PDE8B: variants seen among roughly 807,000 people sequenced by gnomAD.
PDE8B encodes high affinity cAMP-specific and IBMX-insensitive 3',5'-cyclic phosphodiesterase 8B.
In PDE8B, 26 loss-of-function variants were observed where a neutral mutation model predicts 101.3. That is an observed-to-expected ratio of 0.26 (90% CI 0.19 to 0.36). The LOEUF (loss-of-function observed/expected upper bound fraction) is 0.36. Ranked by LOEUF, PDE8B falls within the 10% of genes least tolerant of loss-of-function variation. The pLI, the probability that PDE8B is intolerant of heterozygous loss-of-function variation, is 1.00. For missense variants in PDE8B, 810 were observed against 1,163.1 expected, an observed-to-expected ratio of 0.70 and a Z score of 4.42; for synonymous variants, 424 against 429.3, an observed-to-expected ratio of 0.99 and a Z score of 0.15.
the PDE8B span, chr5:77,118,582 C>A: frequency 2.5e-6 from 1 of 392,348 alleles, no homozygotes; most frequent in Non-Finnish European, 4.5e-6. Context: ...GATCAGTGCC[C>A]TTTATGTTTG....
the PDE8B span, among the ~76,000 whole-genome samples, chr5:77,191,446 G>C: frequency 6.6e-6 from 1 of 151,712 alleles, no homozygotes; most frequent in African/African-American, 2.4e-5. Flanking sequence ...TCCGCCTCCC[G>C]GGTTCATGCC....
At chr5:77,336,581 A>G (rs754714301) in intron 5 of PDE8B, among the ~76,000 whole-genome samples, 38 of 152,296 alleles carry the variant, frequency 2.5e-4, no homozygotes, top group Non-Finnish European at 4.6e-4. Flanking sequence ...ATGGTCAAGT[A>G]ATAATCCATT....
intron 10 of PDE8B, among the ~76,000 whole-genome samples, chr5:77,385,137 G>A (rs1788283033): frequency 6.6e-6 from 1 of 152,096 alleles, no homozygotes; most frequent in Non-Finnish European, 1.5e-5. Context: ...AGTAATTACT[G>A]CCTCAATTTC....
At chr5:77,377,255 T>G (rs1786312330) in intron 10 of PDE8B, among the ~76,000 whole-genome samples, 1 of 152,124 alleles carries the variant, frequency 6.6e-6, no homozygotes, top group South Asian at 2.1e-4. Context: ...ACAAACAGAA[T>G]ACACCTATGA....
chr5:77,215,787 C>G (rs1404517678), intron 1 of PDE8B, among the ~76,000 whole-genome samples: 1 of 152,120 alleles, frequency 6.6e-6, no homozygotes, highest in Non-Finnish European at 1.5e-5. Context: ...CCCGTGGAAC[C>G]AGGTGGGAAG....
chr5:77,100,544 T>C, the PDE8B span, among the ~76,000 whole-genome samples: 40 of 152,172 alleles, frequency 2.6e-4, no homozygotes, highest in Non-Finnish European at 5.3e-4. Context: ...ATGAGGCTTA[T>C]ACTTGGAAAA....
At chr5:77,295,209 A>G (rs886643496) in intron 1 of PDE8B, among the ~76,000 whole-genome samples, 1 of 152,216 alleles carries the variant, frequency 6.6e-6, no homozygotes, top group African/African-American at 2.4e-5. Context: ...CAATTATTCT[A>G]CATTCAGCCA....
intron 1 of PDE8B, among the ~76,000 whole-genome samples, chr5:77,300,204 C>T (rs1769598059): frequency 6.6e-6 from 1 of 152,210 alleles, no homozygotes; most frequent in Non-Finnish European, 1.5e-5. Context: ...GCCCCTTGTT[C>T]TCATTCCTCT....
intron 1 of PDE8B, among the ~76,000 whole-genome samples, chr5:77,286,523 C>G (rs1766047358): frequency 6.6e-6 from 1 of 152,192 alleles, no homozygotes; most frequent in Admixed American, 6.5e-5. Flanking sequence ...GATTCCTTCT[C>G]CAGATCTTTC....
At chr5:77,163,556 T>C in the PDE8B span, among the ~76,000 whole-genome samples, 2 of 152,190 alleles carry the variant, frequency 1.3e-5, no homozygotes, top group African/African-American at 4.8e-5. Context: ...AACAGTTTGG[T>C]ACAAATTTTT....
chr5:77,128,846 T>C, the PDE8B span, among the ~76,000 whole-genome samples: 52 of 152,298 alleles, frequency 3.4e-4, no homozygotes, highest in Middle Eastern at 3.4e-3. Flanking sequence ...TGGCTACCCT[T>C]TTGTCTGTGT....
rs1204163475 is a variant in PDE8B at position 77,427,443 on chromosome 5, T to G, written c.*889T>G. 6.6e-6 allele frequency: 1 copy of G among 152,474 alleles called. No individual in the cohort carries two copies. The highest frequency in any genetic ancestry group is 1.5e-5 in the Non-Finnish European group (1 of 68,040). 9.4% of individuals were successfully genotyped at this position (152,474 alleles called of 1,614,324 possible). A position where few individuals can be genotyped will look rare whatever the true frequency, so the allele number is the denominator to read the frequency against. On this transcript the variant is annotated 3_prime_UTR_variant, in exon 22 of 22. Transcript: ENST00000264917. ...AGTTTATATACATGTTTAAAATTTT[T>G]ATTAAAATCCAAATTTTCTGGGTGT... is the stretch of plus-strand genomic sequence containing the variant.
chr5:77,127,313 G>A, the PDE8B span, among the ~76,000 whole-genome samples: 1 of 152,060 alleles, frequency 6.6e-6, no homozygotes, highest in East Asian at 1.9e-4. Flanking sequence ...GATAATGAGT[G>A]GGTTCTCACG....
chr5:77,426,849 C>G lies in PDE8B; in HGVS notation c.*295C>G, dbSNP rs1798227455. 3 of 379,294 alleles carry G rather than the reference C, an allele frequency of 7.9e-6. No individual in the cohort carries two copies. The highest frequency in any genetic ancestry group is 2.1e-5 in the African/African-American group (1 of 48,000). 23.5% of individuals were successfully genotyped at this position (379,294 alleles called of 1,614,324 possible). A position where few individuals can be genotyped will look rare whatever the true frequency, so the allele number is the denominator to read the frequency against. ...AATCCATGGAGCTGGTTCACTGTAA[C>G]TAGCAGGCCACAGGAAGCAAAGCCT... On this transcript the variant is annotated 3_prime_UTR_variant, in exon 22 of 22. Transcript: ENST00000264917.
chr5:77,208,867 C>T (rs1747730537), upstream of PDE8B, among the ~76,000 whole-genome samples: 2 of 152,156 alleles, frequency 1.3e-5, no homozygotes, highest in South Asian at 4.1e-4. Flanking sequence ...CAACTCAGAA[C>T]CCAGCCCCAA....
chr5:77,198,691 C>A, the PDE8B span, among the ~76,000 whole-genome samples: 1 of 152,146 alleles, frequency 6.6e-6, no homozygotes, highest in African/African-American at 2.4e-5. Context: ...CACATTTTAT[C>A]TGATTTTCTA....
chr5:77,118,865 G>A, the PDE8B span: 1 of 152,694 alleles, frequency 6.5e-6, no homozygotes, highest in South Asian at 2.1e-4. Context: ...TTAGGGGTGG[G>A]GTTATACCTT....
chr5:77,258,463 T>G (rs1759671239), intron 1 of PDE8B, among the ~76,000 whole-genome samples: 1 of 152,102 alleles, frequency 6.6e-6, no homozygotes, highest in African/African-American at 2.4e-5. Flanking sequence ...ACATGTTTGC[T>G]TCATACTGTG....
At chr5:77,103,753 TC>T in the PDE8B span, among the ~76,000 whole-genome samples, 852 of 152,334 alleles carry the variant, frequency 5.6e-3, 10 homozygotes, top group African/African-American at 0.019. Flanking sequence ...AGCTTGGACA[TC>T]CTGCATCTTG....
Sources: allele counts gnomAD v4.1 joint callset (sites outside exome capture counted in the v4.1 genomes callset), GRCh38; gene constraint gnomAD v4.1.1; transcripts MANE v1.5; gene names NCBI Gene and HGNC (gene_info 2026-07-23, HGNC 2026-07-21).